The following CFAP210 variants were observed in gnomAD, a reference collection of about 807,000 sequenced individuals.
CFAP210 encodes the protein cilia and flagella associated protein 210, also known as cilia- and flagella- associated protein 210.
At chr2:169,650,609 T>C in the CFAP210 span, 4 of 1,354,984 alleles carry the variant, frequency 3.0e-6, no homozygotes, top group African/African-American at 6.0e-5. Flanking sequence ...CTGAGATATT[T>C]TGCAGTCTCT....
the CFAP210 span, among the ~76,000 whole-genome samples, chr2:169,669,770 G>A: frequency 2.4e-5 from 3 of 125,502 alleles, no homozygotes; most frequent in Non-Finnish European, 3.3e-5. Context: ...GCGAGACTCC[G>A]TCTTAAAAAA....
the CFAP210 span, chr2:169,645,844 C>T: frequency 6.3e-7 from 1 of 1,589,446 alleles, no homozygotes; most frequent in African/African-American, 1.4e-5. Context: ...TTTTTTTCTA[C>T]CATGTAAAAC....
At chr2:169,660,495 A>T in the CFAP210 span, among the ~76,000 whole-genome samples, 1 of 147,426 alleles carries the variant, frequency 6.8e-6, no homozygotes, top group Admixed American at 6.8e-5. Context: ...ATTTTCTTCT[A>T]CTAATTTTGC....
At chr2:169,692,345 T>A in the CFAP210 span, among the ~76,000 whole-genome samples, 2 of 152,000 alleles carry the variant, frequency 1.3e-5, no homozygotes, top group African/African-American at 4.8e-5. Context: ...AGAAAGCTAG[T>A]ATCGAGGTGC....
chr2:169,657,286 T>G, the CFAP210 span, among the ~76,000 whole-genome samples: 3 of 151,980 alleles, frequency 2.0e-5, no homozygotes, highest in African/African-American at 4.8e-5. Context: ...AAGAAATATG[T>G]TTACAGAATA....
At chr2:169,691,294 C>G in the CFAP210 span, among the ~76,000 whole-genome samples, 1 of 152,014 alleles carries the variant, frequency 6.6e-6, no homozygotes, top group East Asian at 1.9e-4. Context: ...CATTGATATC[C>G]TCTATTTGGT....
the CFAP210 span, among the ~76,000 whole-genome samples, chr2:169,652,102 A>T: frequency 6.6e-6 from 1 of 152,216 alleles, no homozygotes; most frequent in Non-Finnish European, 1.5e-5. Flanking sequence ...ATGAAATTGC[A>T]TAAAAAATAA....
the CFAP210 span, chr2:169,675,029 T>C: frequency 6.6e-7 from 1 of 1,515,796 alleles, no homozygotes; most frequent in Non-Finnish European, 8.8e-7. Context: ...CAAGTTTCTG[T>C]TCTTTCATCC....
chr2:169,680,842 A>C, the CFAP210 span, among the ~76,000 whole-genome samples: 1 of 152,206 alleles, frequency 6.6e-6, no homozygotes, highest in Non-Finnish European at 1.5e-5. Context: ...AATATGTCCA[A>C]TTCATTGTAT....
chr2:169,681,775 A>G, the CFAP210 span, among the ~76,000 whole-genome samples: 3 of 152,236 alleles, frequency 2.0e-5, no homozygotes, highest in Non-Finnish European at 2.9e-5. Flanking sequence ...TTAAAAAGCA[A>G]AGAAACAGGA....
At chr2:169,685,167 C>G in the CFAP210 span, among the ~76,000 whole-genome samples, 1 of 152,208 alleles carries the variant, frequency 6.6e-6, no homozygotes, top group African/African-American at 2.4e-5. Context: ...CCATATTTAA[C>G]ATTTTGAGAA....
the CFAP210 span, chr2:169,662,168 G>T: frequency 1.8e-6 from 2 of 1,102,836 alleles, no homozygotes; most frequent in Non-Finnish European, 2.7e-6. Context: ...TGTATGCATG[G>T]GTCAAAATAC....
the CFAP210 span, among the ~76,000 whole-genome samples, chr2:169,684,442 ACT>A: frequency 1.3e-5 from 2 of 152,234 alleles, no homozygotes; most frequent in Admixed American, 1.3e-4. Flanking sequence ...CCAGAAGGAA[ACT>A]CTGTATGCAT....
the CFAP210 span, chr2:169,662,275 C>G: frequency 6.3e-7 from 1 of 1,590,546 alleles, no homozygotes; most frequent in African/African-American, 1.4e-5. Flanking sequence ...GCCCTTTCAA[C>G]TTACAAGAAA....
At chr2:169,675,055 A>C in the CFAP210 span, 1 of 1,451,158 alleles carries the variant, frequency 6.9e-7, no homozygotes, top group East Asian at 2.6e-5. Flanking sequence ...AAAAAGACAA[A>C]CACAATTTTT....
chr2:169,681,435 C>T, the CFAP210 span: 1 of 585,366 alleles, frequency 1.7e-6, no homozygotes, highest in Non-Finnish European at 3.0e-6. Context: ...TGAGTCCTTG[C>T]TTAATCACTT....
chr2:169,664,476 T>C, the CFAP210 span, among the ~76,000 whole-genome samples: 2 of 152,180 alleles, frequency 1.3e-5, no homozygotes, highest in African/African-American at 4.8e-5. Context: ...GCCAGTGACT[T>C]ACATAATAAT....
the CFAP210 span, among the ~76,000 whole-genome samples, chr2:169,679,827 T>C: frequency 6.6e-6 from 1 of 151,550 alleles, no homozygotes; most frequent in African/African-American, 2.4e-5. Flanking sequence ...AAAGAAAACA[T>C]AGGAGAAAAT....
At chr2:169,655,363 T>A in the CFAP210 span, among the ~76,000 whole-genome samples, 1 of 152,198 alleles carries the variant, frequency 6.6e-6, no homozygotes, top group Non-Finnish European at 1.5e-5. Context: ...CACTTAATCT[T>A]CCAATATATT....
Sources: allele counts gnomAD v4.1 joint callset (sites outside exome capture counted in the v4.1 genomes callset), GRCh38; gene constraint gnomAD v4.1.1; transcripts MANE v1.5; gene names NCBI Gene and HGNC (gene_info 2026-07-23, HGNC 2026-07-21).